COP1: variants seen among roughly 807,000 people sequenced by gnomAD.
COP1 encodes the protein COP1 E3 ubiquitin ligase.
A neutral mutation model predicts 101.3 loss-of-function variants in COP1; 24 were observed. The ratio of observed to expected loss-of-function variants is 0.24; its 90% CI spans 0.17 to 0.33. COP1 has a LOEUF of 0.33. COP1 is among the 10% of genes least tolerant of loss of function. COP1 has a pLI of 1.00. For missense variants in COP1, 663 were observed against 906.2 expected, an observed-to-expected ratio of 0.73 and a Z score of 3.45; for synonymous variants, 347 against 341.9, an observed-to-expected ratio of 1.01 and a Z score of -0.17.
intron 18 of COP1, among the ~76,000 whole-genome samples, chr1:175,955,766 C>CCACACAAACACA (rs1553275352): frequency 7.7e-6 from 1 of 129,192 alleles, no homozygotes; most frequent in African/African-American, 2.8e-5. Flanking sequence ...TAGAGACAAA[C>CCACACAAACACA]CACACACACA....
chr1:176,155,242 C>G (rs911025630), intron 5 of COP1, among the ~76,000 whole-genome samples: 1 of 152,020 alleles, frequency 6.6e-6, no homozygotes, highest in Non-Finnish European at 1.5e-5. Flanking sequence ...CTAACTCAAG[C>G]AGCGATGAAG....
At chr1:176,021,951 A>C (rs1666822900) in intron 15 of COP1, among the ~76,000 whole-genome samples, 1 of 152,238 alleles carries the variant, frequency 6.6e-6, no homozygotes, top group Non-Finnish European at 1.5e-5. Flanking sequence ...TCGTGTTCAC[A>C]TCTTTATTAT....
At chr1:176,079,455 A>G (rs1175875378) in intron 11 of COP1, among the ~76,000 whole-genome samples, 1 of 152,112 alleles carries the variant, frequency 6.6e-6, no homozygotes, top group Admixed American at 6.6e-5. Flanking sequence ...AAACATGGGA[A>G]CAACACATAC....
chr1:176,078,160 G>C (rs1047946367), intron 11 of COP1, among the ~76,000 whole-genome samples: 1 of 151,942 alleles, frequency 6.6e-6, no homozygotes, highest in African/African-American at 2.4e-5. Context: ...AATTCACATG[G>C]AACAAAAAAA....
intron 8 of COP1, among the ~76,000 whole-genome samples, chr1:176,121,878 C>T (rs757130380): frequency 6.6e-6 from 1 of 151,892 alleles, no homozygotes; most frequent in Non-Finnish European, 1.5e-5. Flanking sequence ...AGTTTGGTCA[C>T]GCCTGTAATC....
chr1:175,983,150 A>G (rs1656272257), intron 18 of COP1, among the ~76,000 whole-genome samples: 1 of 151,616 alleles, frequency 6.6e-6, no homozygotes, highest in African/African-American at 2.4e-5. Context: ...AATACTTACA[A>G]TTATTATTTG....
At chr1:176,143,523 T>C (rs1441155556) in intron 6 of COP1, among the ~76,000 whole-genome samples, 8 of 152,058 alleles carry the variant, frequency 5.3e-5, no homozygotes, top group African/African-American at 1.9e-4. Flanking sequence ...GCATAATCTT[T>C]ATAGCAAAAC....
intron 18 of COP1, chr1:175,982,494 A>C (rs1214670548): frequency 2.4e-6 from 1 of 418,994 alleles, no homozygotes; most frequent in African/African-American, 2.1e-5. Context: ...TTCATTTAAT[A>C]AACAGTAAAT....
At chr1:176,009,440 T>G (rs1664202707) in intron 15 of COP1, among the ~76,000 whole-genome samples, 1 of 152,204 alleles carries the variant, frequency 6.6e-6, no homozygotes, top group South Asian at 2.1e-4. Context: ...CTCATGTTAA[T>G]ACAAAAGGGG....
At chr1:176,070,852 TATGCTTCCCA>T (rs1558046587) in intron 11 of COP1, among the ~76,000 whole-genome samples, 1 of 152,040 alleles carries the variant, frequency 6.6e-6, no homozygotes, top group Admixed American at 6.6e-5. Context: ...GAGGTCTTGC[TATGCTTCCCA>T]GGCTGGTTTT....
chr1:176,201,667 A>T (rs1700269647), intron 1 of COP1, among the ~76,000 whole-genome samples: 1 of 152,184 alleles, frequency 6.6e-6, no homozygotes, highest in Admixed American at 6.5e-5. Context: ...CTGTTTCATG[A>T]TCATCTATTT....
intron 9 of COP1, among the ~76,000 whole-genome samples, chr1:176,096,180 T>C (rs191463200): frequency 7.9e-5 from 12 of 152,288 alleles, no homozygotes; most frequent in Non-Finnish European, 1.6e-4. Context: ...TGCTGCCCAA[T>C]GTGAGGCCAA....
intron 15 of COP1, among the ~76,000 whole-genome samples, chr1:176,027,085 C>T (rs756365005): frequency 3.3e-5 from 5 of 152,042 alleles, no homozygotes; most frequent in Admixed American, 3.3e-4. Flanking sequence ...TAATAGCAAA[C>T]ATTTTTTGAA....
chr1:176,085,801 A>G lies in COP1; in HGVS notation c.1116T>C (p.Phe372=), dbSNP rs1297881194. 1 of 1,601,194 alleles carries G rather than the reference A, an allele frequency of 6.2e-7. No individual in the cohort carries two copies. Among genetic ancestry groups the G allele is most frequent in the African/African-American group, 1.3e-5 (1 of 74,788 alleles). The stretch of plus-strand genomic sequence containing the variant: ...CTGAGATACGAGACATCCTTGTAGA[A>G]AAGTAACACTGCTCCAAGTCTTCAA... The part of the protein sequence containing the change: ...AHFEDLEQCY[F]STRMSRISDD... The change falls in exon 10 of 20, where the codon TTT becomes TTC. Residue 372 remains phenylalanine, a synonymous_variant. Transcript: ENST00000367669.
intron 8 of COP1, among the ~76,000 whole-genome samples, chr1:176,132,585 C>G (rs1689077218): frequency 7.1e-6 from 1 of 139,870 alleles, no homozygotes; most frequent in Non-Finnish European, 1.5e-5. Context: ...ACTATATATA[C>G]ACACATATAC....
At chr1:176,025,632 G>C (rs1424250975) in intron 15 of COP1, among the ~76,000 whole-genome samples, 3 of 152,136 alleles carry the variant, frequency 2.0e-5, no homozygotes, top group Non-Finnish European at 4.4e-5. Flanking sequence ...CCAGGGCGCA[G>C]TGATCCCAGC....
At chr1:176,077,992 G>A (rs143979333) in intron 11 of COP1, among the ~76,000 whole-genome samples, 28 of 152,124 alleles carry the variant, frequency 1.8e-4, no homozygotes, top group African/African-American at 4.6e-4. Context: ...GAAAGAAATC[G>A]AAGATGACAC....
At chr1:176,009,934 T>C (rs1664333147) in intron 15 of COP1, among the ~76,000 whole-genome samples, 2 of 150,904 alleles carry the variant, frequency 1.3e-5, no homozygotes, top group Non-Finnish European at 3.0e-5. Flanking sequence ...TATGTCTTTA[T>C]ATTTCTGAAG....
intron 18 of COP1, among the ~76,000 whole-genome samples, chr1:175,959,563 G>A (rs575310966): frequency 1.2e-4 from 18 of 152,120 alleles, no homozygotes; most frequent in South Asian, 4.1e-4. Flanking sequence ...TCCAAGGAAC[G>A]TAGAAATGAA....
Sources: gnomAD v4.1 joint callset for allele counts (sites outside exome capture counted in the v4.1 genomes callset) on GRCh38, gnomAD v4.1.1 for gene constraint, MANE v1.5 for transcripts, NCBI Gene and HGNC (gene_info 2026-07-23, HGNC 2026-07-21) for gene names.